ADGRG7: variants seen among roughly 807,000 people sequenced by gnomAD.
ADGRG7 encodes the protein adhesion G protein-coupled receptor G7, also known as G-protein coupled receptor 128.
Under a neutral mutation model 88.6 loss-of-function variants are expected in ADGRG7, and 82 were observed. That is an observed-to-expected ratio of 0.93 (90% CI 0.77 to 1.11). The LOEUF is 1.11. Ranked by LOEUF, ADGRG7 falls within the 50% of genes most tolerant of loss-of-function variation. The pLI is 0.00. For synonymous variants in ADGRG7, 381 were observed against 345.2 expected (o/e 1.10, Z -1.15); for missense variants, 945 against 953.4 (o/e 0.99, Z 0.12).
intron 8 of ADGRG7, among the ~76,000 whole-genome samples, chr3:100,644,698 A>T (rs930728221): frequency 1.9e-4 from 29 of 151,660 alleles, no homozygotes; most frequent in Non-Finnish European, 3.8e-4. Flanking sequence ...AAAAAAAAAA[A>T]TTAAATTTTT....
intron 15 of ADGRG7, among the ~76,000 whole-genome samples, chr3:100,692,621 A>G (rs895615219): frequency 2.0e-5 from 3 of 152,238 alleles, no homozygotes; most frequent in Non-Finnish European, 4.4e-5. Context: ...GCTAAAAGTC[A>G]GGAAACTTAG....
Position 100,655,021 on chromosome 3 carries a change from G to A in ADGRG7, c.1566G>A (p.Pro522=), listed in dbSNP as rs779382891. ...DIPRTDTINI[P]NPMCTAIAAL... ...CCAGGACAGACACCATTAACATCCC[G>A]AATCCCATGTGCACTGCGATTGCCG... Residue 522 remains proline (P), a synonymous_variant, in exon 12 of 16, where the codon CCG becomes CCA. Coordinates refer to ENST00000273352, the MANE Select transcript of ADGRG7 (RefSeq NM_032787.3). 1.5e-5 allele frequency: 25 copies of A among 1,613,908 alleles called. No individual in the cohort carries two copies. The highest frequency in any genetic ancestry group is 1.8e-5 in the Non-Finnish European group (21 of 1,179,998).
intron 1 of ADGRG7, among the ~76,000 whole-genome samples, chr3:100,615,910 G>A (rs983858481): frequency 6.6e-6 from 1 of 152,052 alleles, no homozygotes; most frequent in African/African-American, 2.4e-5. Context: ...CCTAAGCCTT[G>A]AGTAGGATCA....
At chr3:100,665,382 A>T in intron 14 of ADGRG7, 1 of 540,598 alleles carries the variant, frequency 1.8e-6, no homozygotes, top group South Asian at 1.4e-5. Flanking sequence ...TCTTCATTAC[A>T]ATAGAAGCAT....
intron 15 of ADGRG7, among the ~76,000 whole-genome samples, chr3:100,690,341 A>G (rs1207494802): frequency 6.6e-6 from 1 of 152,014 alleles, no homozygotes; most frequent in Non-Finnish European, 1.5e-5. Flanking sequence ...AGCTTGGAGT[A>G]GTTTGATCTT....
chr3:100,635,967 C>A, intron 5 of ADGRG7, 141 bp downstream of exon 5: 1 of 594,492 alleles, frequency 1.7e-6, no homozygotes, highest in Non-Finnish European at 2.9e-6. Flanking sequence ...AGGCATTTTG[C>A]ATAGCACTCC....
At chr3:100,686,491 C>T (rs142426517) in intron 15 of ADGRG7, among the ~76,000 whole-genome samples, 18 of 152,206 alleles carry the variant, frequency 1.2e-4, no homozygotes, top group South Asian at 2.1e-4. Context: ...TTTTCTTCTA[C>T]GGTTTTTATG....
At chr3:100,618,625 T>C (rs1349653377) in intron 1 of ADGRG7, among the ~76,000 whole-genome samples, 1 of 152,196 alleles carries the variant, frequency 6.6e-6, no homozygotes, top group African/African-American at 2.4e-5. Flanking sequence ...TGTAGCCTTG[T>C]AGTATAGTTT....
intron 10 of ADGRG7, 30 bp from the exon 11 acceptor site, chr3:100,649,665 T>C (rs1428761572): frequency 4.8e-6 from 6 of 1,257,484 alleles, no homozygotes; most frequent in Non-Finnish European, 7.0e-6. Flanking sequence ...GATGACTAAT[T>C]AAAAATATGA....
chr3:100,669,478 G>A (rs1367544338), intron 15 of ADGRG7, among the ~76,000 whole-genome samples: 7 of 137,798 alleles, frequency 5.1e-5, no homozygotes, highest in African/African-American at 1.7e-4. Context: ...AGCTTGCAGT[G>A]AGCTGAGATC....
In ADGRG7 at chr3:100,655,886, CTT is replaced by C. The variant is rs764561916; in HGVS notation, c.1727-11_1727-10del. On this transcript the variant is annotated splice_polypyrimidine_tract_variant and intron_variant, in intron 12 of 15. Transcript: ENST00000273352. ...GATAAATCATTAATTATGTGCCTCT[CTT>C]TATCACATAGGAGTCCCAGCTATAG... 7.0e-7 allele frequency: 1 copy of C among 1,429,516 alleles called. No homozygotes were observed. Among genetic ancestry groups the C allele is most frequent in the Admixed American group, 1.7e-5 (1 of 59,498 alleles). 88.6% of individuals were successfully genotyped at this position (1,429,516 alleles called of 1,614,324 possible). A position where few individuals can be genotyped will look rare whatever the true frequency, so the allele number is the denominator to read the frequency against.
chr3:100,620,593 C>T (rs1265461939), intron 1 of ADGRG7, among the ~76,000 whole-genome samples: 1 of 152,096 alleles, frequency 6.6e-6, no homozygotes, highest in Non-Finnish European at 1.5e-5. Flanking sequence ...AAAGGGTATT[C>T]AATTAGAAAA....
Position 100,646,073 on chromosome 3 carries a change from C to T in ADGRG7, c.1075C>T (p.Gln359Ter), listed in dbSNP as rs1010310386. ...SSKTDENEQD[Q>*]SASVDMVFSP... is the part of the protein sequence containing the mutation. ...CAAAACTGATGAAAATGAGCAAGAT[C>T]AGAGTGCTTCTGTTGACATGGTCTT... The change falls in exon 9 of 16, where the codon CAG (glutamine) becomes TAG (stop). Residue 359 changes from glutamine to a stop codon, truncating the protein, a stop_gained. Transcript: ENST00000273352. LOFTEE classifies it high-confidence loss of function. 13 of 1,613,944 alleles carry T rather than the reference C, an allele frequency of 8.1e-6. No homozygotes were observed. Among genetic ancestry groups the T allele is most frequent in the Non-Finnish European group, 1.1e-5 (13 of 1,179,968 alleles).
intron 15 of ADGRG7, among the ~76,000 whole-genome samples, chr3:100,691,250 G>A (rs991963220): frequency 6.6e-6 from 1 of 152,192 alleles, no homozygotes; most frequent in African/African-American, 2.4e-5. Context: ...CGATTTTCCA[G>A]GTGCCGTCTG....
chr3:100,645,946 T>C lies in ADGRG7; in HGVS notation c.948T>C (p.Asn316=), dbSNP rs762434768. 6.2e-6 allele frequency: 10 copies of C among 1,612,860 alleles called. No individual in the cohort carries two copies. Residue 316 remains asparagine (N), a splice_region_variant and synonymous_variant, in exon 9 of 16, where the codon AAT becomes AAC. Coordinates refer to ENST00000273352, the MANE Select transcript of ADGRG7 (RefSeq NM_032787.3). ...TTTAATGTCTTTTTCTCCCTATAGA[T>C]TACACCAAGACATGCGGCTTTGTAG... ...ELQVLLNMTK[N]YTKTCGFVVY...
chr3:100,645,869 T>C (rs1707735312), intron 8 of ADGRG7, 76 bp from the exon 9 acceptor site: 1 of 1,328,266 alleles, frequency 7.5e-7, no homozygotes, highest in South Asian at 1.3e-5. Flanking sequence ...CATGCACTTC[T>C]ACAATAACGT....
chr3:100,622,613 T>C (rs1707329874), intron 1 of ADGRG7, among the ~76,000 whole-genome samples: 1 of 152,226 alleles, frequency 6.6e-6, no homozygotes, highest in Non-Finnish European at 1.5e-5. Flanking sequence ...GTTCTTATTA[T>C]TAATGTGTAT....
chr3:100,639,484 T>C (rs940568749), intron 6 of ADGRG7, among the ~76,000 whole-genome samples: 2 of 152,254 alleles, frequency 1.3e-5, no homozygotes, highest in African/African-American at 4.8e-5. Flanking sequence ...ACAGTTTTAC[T>C]GGCATACTTT....
In ADGRG7 at chr3:100,688,478, A is replaced by G. The variant is rs543929395; in HGVS notation, c.2137-6266A>G. On this transcript the variant is annotated intron_variant, in intron 15 of 15. Coordinates refer to ENST00000273352, the MANE Select transcript of ADGRG7 (RefSeq NM_032787.3). ...TTTTAGTTGTGATGTTAGGGTGTCC[A>G]TTTTAGATCTTTCCTGCTTTCTCTT... Among the ~76,000 whole-genome samples the G allele has an allele frequency of 1.1e-4, 16 of 152,170 alleles. No individual in the cohort carries two copies. In the South Asian group the frequency reaches 3.3e-3, roughly 32 times the overall value.
Sources: gnomAD v4.1 joint callset for allele counts (sites outside exome capture counted in the v4.1 genomes callset) on GRCh38, gnomAD v4.1.1 for gene constraint, MANE v1.5 for transcripts, NCBI Gene and HGNC (gene_info 2026-07-23, HGNC 2026-07-21) for gene names.